Variants in MRI1 observed in about 807,000 individuals in gnomAD.
MRI1 encodes methylthioribose-1-phosphate isomerase.
A neutral mutation model predicts 27.3 loss-of-function variants in MRI1; 32 were observed. That is an observed-to-expected ratio of 1.17 (90% CI 0.88 to 1.57). The LOEUF (loss-of-function observed/expected upper bound fraction) is 1.57, where lower values mean the gene tolerates loss of function less well. Ranked by LOEUF, MRI1 falls within the 40% of genes most tolerant of loss-of-function variation. The pLI, the probability that MRI1 is intolerant of heterozygous loss-of-function variation, is 0.00. For missense variants in MRI1, 508 were observed against 516.1 expected, an observed-to-expected ratio of 0.98 and a Z score of 0.15; for synonymous variants, 216 against 227.4, an observed-to-expected ratio of 0.95 and a Z score of 0.45.
Position 13,768,679 on chromosome 19 carries a change from C to A in MRI1, c.666C>A (p.Pro222=), listed in dbSNP as rs551575417. The stretch of plus-strand genomic sequence containing the variant: ...TTGAGCTGGTCTATGAGCAGATCCC[C>A]GCCACCCTTATCACCGACAGCATGG... ...TAFELVYEQI[P]ATLITDSMVA... is the part of the protein sequence containing the mutation. The change falls in exon 4 of 6, where the codon CCC becomes CCA. Residue 222 remains proline (P), a synonymous_variant. Transcript: ENST00000040663. 6.2e-7 allele frequency: 1 copy of A among 1,613,998 alleles called. No individual in the cohort carries two copies. Among genetic ancestry groups the A allele is most frequent in the South Asian group, 1.1e-5 (1 of 91,088 alleles).
chr19:13,765,131 C>A, intron 2 of MRI1, 22 bp downstream of exon 2: 1 of 1,499,670 alleles, frequency 6.7e-7, no homozygotes, highest in East Asian at 2.6e-5. Flanking sequence ...TGGTACCAGG[C>A]ACGGCGCTGA....
In MRI1 at chr19:13,768,605, T is replaced by C. The variant is rs377336322; in HGVS notation, c.592T>C (p.Phe198Leu). ...LHSLGRLEHA[F>L]CTETRPYNQG... ...CAGCCTGGGCCGCCTGGAGCATGCC[T>C]TCTGCACAGAGACCCGGCCCTACAA... Residue 198 changes from phenylalanine (F) to leucine (L), a missense_variant, in exon 4 of 6, where the codon TTC becomes CTC. Physicochemically the swap from Phe to Leu is conservative, Grantham distance 22. Coordinates refer to ENST00000040663, the MANE Select transcript of MRI1 (RefSeq NM_001031727.4). The C allele has an allele frequency of 6.2e-7, 1 of 1,612,394 alleles. No individual in the cohort carries two copies. Among genetic ancestry groups the C allele is most frequent in the African/African-American group, 1.3e-5 (1 of 74,912 alleles).
intron 5 of MRI1, among the ~76,000 whole-genome samples, chr19:13,771,292 G>C (rs1476541321): frequency 6.6e-6 from 1 of 151,670 alleles, no homozygotes; most frequent in East Asian, 1.9e-4. Flanking sequence ...GCTTGAACCT[G>C]GGAGGCACAG....
At chr19:13,769,085 C>G (rs377475691) in intron 5 of MRI1, 37 bp downstream of exon 5, 5 of 1,541,004 alleles carry the variant, frequency 3.2e-6, no homozygotes, top group Non-Finnish European at 4.4e-6. Flanking sequence ...ACCCCAGCTC[C>G]TGGGCACTTC....
At position 13,764,540 on chromosome 19, in the gene MRI1, C is replaced by A. The variant is rs540678871; in HGVS notation, c.-49C>A. The stretch of plus-strand genomic sequence containing the variant: ...CGGCCCCGCCCCGCTCCCAAGTGCG[C>A]GCGGACCCCTAGCTCCCTCTGAGTT... On this transcript the variant is annotated 5_prime_UTR_variant, in exon 1 of 6. Coordinates refer to ENST00000040663, the MANE Select transcript of MRI1 (RefSeq NM_001031727.4). The A allele has an allele frequency of 6.9e-6, 11 of 1,590,186 alleles. No homozygotes were observed. The Admixed American group carries it at 1.3e-4, about 19-fold the overall frequency.
chr19:13,765,024 A>G lies in MRI1; in HGVS notation c.286A>G (p.Met96Val), dbSNP rs1974087380. ...LVTARPTAVN[M>V]ARAARDLADV... ...CACCGCCCGGCCCACCGCTGTCAAC[A>G]TGGCCCGCGCCGCCCGCGACCTGGC... The change falls in exon 2 of 6, where the codon ATG becomes GTG. Residue 96 changes from methionine (M) to valine (V), a missense_variant. Met to Val is a conservative substitution (Grantham distance 21). Coordinates refer to ENST00000040663, the MANE Select transcript of MRI1 (RefSeq NM_001031727.4). 9 of 1,526,748 alleles carry G rather than the reference A, an allele frequency of 5.9e-6. No homozygotes were observed. Among genetic ancestry groups the G allele is most frequent in the African/African-American group, 4.2e-5 (3 of 71,646 alleles). The allele number at this position is 1,526,748 out of a possible 1,614,324, so 94.6% of individuals were successfully genotyped here. A position where few individuals can be genotyped will look rare whatever the true frequency, so the allele number is the denominator to read the frequency against.
Position 13,773,631 on chromosome 19 carries a change from T to TAA in MRI1, c.*1364_*1365dup, listed in dbSNP as rs59239281. ...GCAACAGAGTGAGACCCCATCTCTT[T>TAA]AAAAAAAAAAAAAAATCCATGATGA... On this transcript the variant is annotated 3_prime_UTR_variant, in exon 6 of 6. Coordinates refer to ENST00000040663, the MANE Select transcript of MRI1 (RefSeq NM_001031727.4). 3.8e-4 allele frequency: 30 copies of TAA among 79,254 alleles called. No individual in the cohort carries two copies. The highest frequency in any genetic ancestry group is 1.4e-3 in the Middle Eastern group (1 of 734). The allele number at this position is 79,254 out of a possible 1,614,324, so 4.9% of individuals were successfully genotyped here.
chr19:13,768,726 G>C lies in MRI1; in HGVS notation c.713G>C (p.Arg238Thr). 9.9e-6 allele frequency: 16 copies of C among 1,613,150 alleles called. No homozygotes were observed. Among genetic ancestry groups the C allele is most frequent in the African/African-American group, 1.3e-5 (1 of 75,060 alleles). Residue 238 changes from arginine (R) to threonine (T), a missense_variant, in exon 4 of 6, where the codon AGG becomes ACG. Around this residue, in one of 3 missense-constraint regions of MRI1, gnomAD observed 457 missense variants for 452.8 expected, o/e 1.01. Transcript: ENST00000040663. ...ATGGTGGCTGCTGCCATGGCCCATA[G>C]GGGCGTGTCAGGTAAGCAGACGGTA... ...DSMVAAAMAH[R>T]GVSAVVVGAD...
At chr19:13,767,567 G>A (rs1974164764) in intron 3 of MRI1, among the ~76,000 whole-genome samples, 1 of 152,002 alleles carries the variant, frequency 6.6e-6, no homozygotes, top group Non-Finnish European at 1.5e-5. Flanking sequence ...CACTTCGGGA[G>A]GCCAAGGTGG....
chr19:13,768,859 G>A lies in MRI1; in HGVS notation c.760G>A (p.Gly254Ser), dbSNP rs370685063. 158 of 1,611,016 alleles carry A rather than the reference G, an allele frequency of 9.8e-5. No homozygotes were observed. The highest frequency in any genetic ancestry group is 2.8e-4 in the African/African-American group (21 of 74,868). ...GGGAGCTGACCGCGTGGTTGCCAACGGCGACACAGCCAACAAGGTGGGCAC... is the reference window on the plus strand; with the variant it reads ...GGGAGCTGACCGCGTGGTTGCCAACAGCGACACAGCCAACAAGGTGGGCAC... ...VVGADRVVANGDTANKVGTYQ... is the reference protein window; with the variant it reads ...VVGADRVVANSDTANKVGTYQ... The change falls in exon 5 of 6, where the codon GGC becomes AGC. Residue 254 changes from glycine to serine, a missense_variant. Gly to Ser is a moderately conservative substitution (Grantham distance 56, BLOSUM62 0). Coordinates refer to ENST00000040663, the MANE Select transcript of MRI1 (RefSeq NM_001031727.4).
At chr19:13,770,143 C>T (rs940426440) in intron 5 of MRI1, among the ~76,000 whole-genome samples, 4 of 152,166 alleles carry the variant, frequency 2.6e-5, no homozygotes, top group African/African-American at 4.8e-5. Context: ...GCTGTGCAAC[C>T]GTTAGCAAGT....
chr19:13,770,766 C>G (rs1974252787), intron 5 of MRI1, among the ~76,000 whole-genome samples: 1 of 152,002 alleles, frequency 6.6e-6, no homozygotes, highest in East Asian at 1.9e-4. Context: ...GCCTGTAACC[C>G]CAGCTACTCA....
Position 13,768,467 on chromosome 19 carries a change from C to T in MRI1, c.548-94C>T, listed in dbSNP as rs778088741. 35 of 1,578,820 alleles carry T rather than the reference C, an allele frequency of 2.2e-5. No individual in the cohort carries two copies. The South Asian group carries it at 2.5e-4, about 11-fold the overall frequency. ...TGCTCGGTAAGCCTTTGGCAATCCA[C>T]GCCCAGACTAGGAGCCTGCACCCCT... On this transcript the variant is annotated intron_variant, in intron 3 of 5. Transcript: ENST00000040663.
At position 13,766,057 on chromosome 19, in the gene MRI1, G is replaced by T. The variant is rs573296217; in HGVS notation, c.475G>T (p.Gly159Cys). ...RHLLERVAPS[G>C]GKVTVLTHCN... is the part of the protein sequence containing the mutation. ...CCTCCTGGAGCGGGTGGCCCCCAGC[G>T]GTGGCAAGGTGACTGTGCTGACCCA... The change falls in exon 3 of 6, where the codon GGT becomes TGT. Residue 159 changes from glycine to cysteine, a missense_variant. Gly to Cys is a radical substitution (Grantham distance 159). Coordinates refer to ENST00000040663, the MANE Select transcript of MRI1 (RefSeq NM_001031727.4). The T allele has an allele frequency of 1.2e-6, 2 of 1,613,036 alleles. No individual in the cohort carries two copies. Among genetic ancestry groups the T allele is most frequent in the Non-Finnish European group, 1.7e-6 (2 of 1,179,836 alleles).
At chr19:13,765,381 G>T (rs1488992927) in intron 2 of MRI1, among the ~76,000 whole-genome samples, 3 of 152,016 alleles carry the variant, frequency 2.0e-5, no homozygotes, top group Non-Finnish European at 4.4e-5. Context: ...CCCCTTATCC[G>T]CCCTTGGAGG....
intron 3 of MRI1, among the ~76,000 whole-genome samples, chr19:13,767,006 C>CATATATATATATATAT (rs1491354474): frequency 1.4e-5 from 1 of 69,562 alleles, no homozygotes; most frequent in Non-Finnish European, 2.6e-5. Flanking sequence ...TATGCACATC[C>CATATATATATATATAT]ACATATATAT....
rs1163889975 is a variant in MRI1 at position 13,764,611 on chromosome 19, A to C, written c.23A>C (p.Tyr8Ser). 4 of 1,609,136 alleles carry C rather than the reference A, an allele frequency of 2.5e-6. No homozygotes were observed. The highest frequency in any genetic ancestry group is 3.3e-5 in the Admixed American group (2 of 59,954). MTLEAIR[Y>S]SRGSLQILDQ... is the part of the protein sequence containing the mutation. ...ACCATGACCCTGGAGGCGATCCGCTACTCGCGGGGCTCCCTGCAGATCCTA... is the reference window on the plus strand; with the variant it reads ...ACCATGACCCTGGAGGCGATCCGCTCCTCGCGGGGCTCCCTGCAGATCCTA... Residue 8 changes from tyrosine to serine, a missense_variant, in exon 1 of 6, where the codon TAC (tyrosine) becomes TCC (serine). This residue lies in a region of MRI1 where 32 missense variants were observed against 20.2 expected (regional missense o/e 1.58). Coordinates refer to ENST00000040663, the MANE Select transcript of MRI1 (RefSeq NM_001031727.4).
chr19:13,772,227 C>A lies in MRI1; in HGVS notation c.1056C>A (p.Ala352=). The change falls in exon 6 of 6, where the codon GCC becomes GCA. Residue 352 remains alanine, a synonymous_variant. Coordinates refer to ENST00000040663, the MANE Select transcript of MRI1 (RefSeq NM_001031727.4). ...TTGCCCCTGAGGAGCTCCGGACAGC[C>A]CTAACCACCACCATCTCTTCCAGGG... is the stretch of plus-strand genomic sequence containing the variant. ...GVFAPEELRT[A]LTTTISSRDG... is the part of the protein sequence containing the mutation. 1 of 1,614,090 alleles carries A rather than the reference C, an allele frequency of 6.2e-7. No homozygotes were observed. The highest frequency in any genetic ancestry group is 1.3e-5 in the African/African-American group (1 of 75,032).
chr19:13,774,248 A>C lies in MRI1; in HGVS notation c.*1967A>C. 1.9e-6 allele frequency: 1 copy of C among 515,308 alleles called. No individual in the cohort carries two copies. Among genetic ancestry groups the C allele is most frequent in the South Asian group, 3.2e-5 (1 of 31,314 alleles). 31.9% of individuals were successfully genotyped at this position (515,308 alleles called of 1,614,324 possible). ...AAACGTTGTAAGTTTTCTAAAACAC[A>C]TAAGCTCTCAATAAACGTTAGCTTA... On this transcript the variant is annotated 3_prime_UTR_variant, in exon 6 of 6. Transcript: ENST00000040663.
Sources: allele counts gnomAD v4.1 joint callset (sites outside exome capture counted in the v4.1 genomes callset), GRCh38; gene constraint gnomAD v4.1.1; regional missense constraint gnomAD v4.1.1; transcripts MANE v1.5; gene names NCBI Gene and HGNC (gene_info 2026-07-23, HGNC 2026-07-21).